Variants in ANKRD36C observed in about 807,000 individuals in gnomAD.
The protein encoded by ANKRD36C is ankyrin repeat domain-containing protein 36C.
A neutral mutation model predicts 276.4 loss-of-function variants in ANKRD36C; 61 were observed. That is an observed-to-expected ratio of 0.22 (90% CI 0.18 to 0.27). ANKRD36C has a LOEUF of 0.27. Ranked by LOEUF, ANKRD36C falls within the 10% of genes least tolerant of loss-of-function variation. The pLI is 1.00. For missense variants in ANKRD36C, 1,447 were observed against 2,032.3 expected (o/e 0.71, Z 5.54); for synonymous variants, 483 against 680.1 (o/e 0.71, Z 4.51).
Position 95,980,824 on chromosome 2 carries a change from T to A in ANKRD36C, c.594-39A>T, listed in dbSNP as rs1678900965. On this transcript the variant is annotated intron_variant, in intron 4 of 66. Transcript: ENST00000456556. ...GAGGTAATTAAAAACTTTAATGACA[T>A]TTTAAAAGCTTAGTTTATATACTTT... The A allele has an allele frequency of 1.9e-6, 3 of 1,546,404 alleles. No individual in the cohort carries two copies. The South Asian group carries it at 3.6e-5, about 19-fold the overall frequency.
At position 95,912,098 on chromosome 2, in the gene ANKRD36C, A is replaced by C. The variant is rs1012233948; in HGVS notation, c.2653+146T>G. ...CATGTTCCAGACCAGCAGCATCAGC[A>C]TAACCCAAGAACTTATTAGAAATGA... On this transcript the variant is annotated intron_variant, in intron 42 of 66. Transcript: ENST00000456556. 4.1e-6 allele frequency: 5 copies of C among 1,206,084 alleles called. No individual in the cohort carries two copies. The African/African-American group carries it at 7.7e-5, about 19-fold the overall frequency. The allele number at this position is 1,206,084 out of a possible 1,614,324, so 74.7% of individuals were successfully genotyped here.
intron 28 of ANKRD36C, among the ~76,000 whole-genome samples, chr2:95,926,166 C>T (rs1238103326): frequency 4.6e-5 from 7 of 151,530 alleles, no homozygotes; most frequent in Non-Finnish European, 1.0e-4. Context: ...TTTGTTGTGT[C>T]CTCTAGTTTA....
chr2:95,885,961 T>C, intron 52 of ANKRD36C, 87 bp downstream of exon 72: 1 of 1,555,624 alleles, frequency 6.4e-7, no homozygotes, highest in Non-Finnish European at 8.7e-7. Flanking sequence ...ACATAAAGCT[T>C]CAATGAACCC....
At chr2:95,895,155 T>C (rs370252546) in intron 44 of ANKRD36C, among the ~76,000 whole-genome samples, 263 of 144,342 alleles carry the variant, frequency 1.8e-3, no homozygotes, top group East Asian at 9.2e-3. Flanking sequence ...GAGCCCCTTA[T>C]GTCTTCAACT....
chr2:95,902,124 T>C (rs1301609014), intron 42 of ANKRD36C, among the ~76,000 whole-genome samples: 1 of 149,832 alleles, frequency 6.7e-6, no homozygotes, highest in South Asian at 2.1e-4. Flanking sequence ...ATCCAAGAGG[T>C]AGCTCCTTGA....
intron 52 of ANKRD36C, among the ~76,000 whole-genome samples, chr2:95,884,956 G>A (rs1676168470): frequency 6.6e-6 from 1 of 151,890 alleles, no homozygotes; most frequent in Non-Finnish European, 1.5e-5. Context: ...ACACCCACGT[G>A]GTGTAATAAT....
At chr2:95,961,284 T>C (rs4530407) in intron 8 of ANKRD36C, among the ~76,000 whole-genome samples, 95 of 151,912 alleles carry the variant, frequency 6.3e-4, no homozygotes, top group African/African-American at 1.8e-3. Context: ...TACATTTCTT[T>C]TATCCTCTAG....
chr2:95,874,374 G>A (rs1268055726), intron 59 of ANKRD36C, among the ~76,000 whole-genome samples: 26 of 151,810 alleles, frequency 1.7e-4, no homozygotes, highest in Admixed American at 2.0e-4. Flanking sequence ...AAATAACGCC[G>A]CATATCTACA....
In ANKRD36C at chr2:95,897,206, T is replaced by A. The variant is rs562338158; in HGVS notation, c.2755+1939A>T. The A allele has an allele frequency of 2.2e-3, 2,800 of 1,246,052 alleles. 57 individuals are homozygous for A. Among genetic ancestry groups the A allele is most frequent in the South Asian group, 2.7e-3 (200 of 73,180 alleles). 77.2% of individuals were successfully genotyped at this position (1,246,052 alleles called of 1,614,324 possible). ...TTCAACGAGCCCCCCGCTGATTTATTCACGGAAGAGAATTTCTTATCTATC... is the reference window on the plus strand; with the variant it reads ...TTCAACGAGCCCCCCGCTGATTTATACACGGAAGAGAATTTCTTATCTATC... On this transcript the variant is annotated intron_variant, in intron 44 of 66. Coordinates refer to ENST00000456556, the Ensembl canonical transcript of ANKRD36C.
chr2:95,864,397 A>C (rs1022416757), intron 60 of ANKRD36C, among the ~76,000 whole-genome samples: 16 of 151,564 alleles, frequency 1.1e-4, no homozygotes, highest in Non-Finnish European at 2.2e-4. Context: ...ATAAGAATCC[A>C]AGGGAAGTTC....
At chr2:95,921,576 A>G (rs1261173154) in intron 34 of ANKRD36C, 31 bp downstream of exon 34, 4 of 1,591,954 alleles carry the variant, frequency 2.5e-6, no homozygotes, top group Non-Finnish European at 3.4e-6. Flanking sequence ...TCTGGATTGA[A>G]CATGACATTA....
intron 40 of ANKRD36C, among the ~76,000 whole-genome samples, chr2:95,912,738 A>G (rs1175556338): frequency 6.6e-6 from 1 of 151,500 alleles, no homozygotes; most frequent in East Asian, 2.0e-4. Context: ...AATGTGATCT[A>G]AAATCAGAGG....
At chr2:95,896,579 A>G (rs1402327328) in intron 44 of ANKRD36C, among the ~76,000 whole-genome samples, 3 of 148,200 alleles carry the variant, frequency 2.0e-5, no homozygotes, top group African/African-American at 5.0e-5. Flanking sequence ...AAATCAACAA[A>G]ACATGTATCT....
At chr2:95,976,655 A>G (rs960485680) in intron 6 of ANKRD36C, among the ~76,000 whole-genome samples, 1 of 152,148 alleles carries the variant, frequency 6.6e-6, no homozygotes, top group African/African-American at 2.4e-5. Context: ...TGCAGTTACA[A>G]AAGGGTTACG....
intron 36 of ANKRD36C, among the ~76,000 whole-genome samples, chr2:95,916,389 T>C (rs1314220649): frequency 6.6e-6 from 1 of 151,576 alleles, no homozygotes; most frequent in Non-Finnish European, 1.5e-5. Flanking sequence ...TCAAACATGG[T>C]ATGATTTGTC....
At chr2:95,903,617 ATC>A (rs1676720600) in intron 42 of ANKRD36C, among the ~76,000 whole-genome samples, 1 of 151,082 alleles carries the variant, frequency 6.6e-6, no homozygotes. Flanking sequence ...CACCTTGGAT[ATC>A]TGTTTGCTGA....
chr2:95,908,764 C>G, intron 42 of ANKRD36C, 67 bp from the exon 47 acceptor site: 1 of 1,531,100 alleles, frequency 6.5e-7, no homozygotes, highest in Middle Eastern at 2.4e-4. Flanking sequence ...CATATTCATG[C>G]AGTGTTAGCA....
intron 59 of ANKRD36C, among the ~76,000 whole-genome samples, chr2:95,867,908 A>T (rs1435251016): frequency 6.6e-6 from 1 of 152,056 alleles, no homozygotes; most frequent in Non-Finnish European, 1.5e-5. Context: ...ACAATTAGGT[A>T]TTTAGATTAC....
intron 3 of ANKRD36C, among the ~76,000 whole-genome samples, chr2:95,985,205 T>C (rs528158325): frequency 6.6e-6 from 1 of 152,204 alleles, no homozygotes; most frequent in Non-Finnish European, 1.5e-5. Context: ...AGAAAAGGTG[T>C]TATTCTCATG....
Sources: gnomAD v4.1 joint callset for allele counts (sites outside exome capture counted in the v4.1 genomes callset) on GRCh38, gnomAD v4.1.1 for gene constraint, MANE v1.5 for transcripts, NCBI Gene and HGNC (gene_info 2026-07-23, HGNC 2026-07-21) for gene names.